FAM117A: variants seen among roughly 807,000 people sequenced by gnomAD.
The protein encoded by FAM117A is family with sequence similarity 117 member A.
In FAM117A, 21 loss-of-function variants were observed where a neutral mutation model predicts 44.1. The ratio of observed to expected loss-of-function variants is 0.48; its 90% CI spans 0.34 to 0.69. The LOEUF is 0.69. Among genes scored for constraint, FAM117A ranks in the 30% least tolerant of loss-of-function variants. The pLI is 0.01. For missense variants in FAM117A, 498 were observed against 589.9 expected, an observed-to-expected ratio of 0.84 and a Z score of 1.61; for synonymous variants, 220 against 238.3, an observed-to-expected ratio of 0.92 and a Z score of 0.71.
chr17:49,736,464 C>G (rs561970861), intron 1 of FAM117A, among the ~76,000 whole-genome samples: 1 of 151,952 alleles, frequency 6.6e-6, no homozygotes, highest in East Asian at 1.9e-4. Flanking sequence ...TCACCATGGT[C>G]TCGATCTCCT....
chr17:49,750,265 T>C lies in FAM117A; in HGVS notation c.196+13627A>G, dbSNP rs561225929. ...CCCACATGTCCACACGCAAGACAGATACTCACATGCAGACACACACACACA... is the reference window on the plus strand; with the variant it reads ...CCCACATGTCCACACGCAAGACAGACACTCACATGCAGACACACACACACA... On this transcript the variant is annotated intron_variant, in intron 1 of 7. Transcript: ENST00000240364. Among the ~76,000 whole-genome samples, 4 of 148,984 alleles carry C rather than the reference T, an allele frequency of 2.7e-5. No homozygotes were observed. The South Asian group carries it at 6.3e-4, about 24-fold the overall frequency.
chr17:49,735,549 C>T (rs957379906), intron 1 of FAM117A, among the ~76,000 whole-genome samples: 3 of 152,200 alleles, frequency 2.0e-5, no homozygotes, highest in Non-Finnish European at 4.4e-5. Context: ...TAACAATCTA[C>T]ATATTTGTTA....
intron 6 of FAM117A, 127 bp from the exon 7 acceptor site, chr17:49,716,442 T>G (rs1219040251): frequency 1.3e-6 from 1 of 762,764 alleles, no homozygotes; most frequent in African/African-American, 1.8e-5. Context: ...GCGGGTGTGC[T>G]TATCCAGTGT....
rs1396975903 is a variant in FAM117A, at chr17:49,711,082, G to C, written c.*173C>G. ...GAGAAGGCAGGTCCCATCACGTTCA[G>C]AGGGGCCGGTGCCCATCAAAAAGAG... On this transcript the variant is annotated 3_prime_UTR_variant, in exon 8 of 8. Coordinates refer to ENST00000240364, the MANE Select transcript of FAM117A (RefSeq NM_030802.4). The C allele has an allele frequency of 8.2e-6, 5 of 612,202 alleles. No individual in the cohort carries two copies. The highest frequency in any genetic ancestry group is 1.4e-5 in the Non-Finnish European group (5 of 365,042). The allele number at this position is 612,202 out of a possible 1,614,324, so 37.9% of individuals were successfully genotyped here.
intron 1 of FAM117A, among the ~76,000 whole-genome samples, chr17:49,740,096 G>A (rs1430754334): frequency 6.6e-6 from 1 of 152,222 alleles, no homozygotes; most frequent in East Asian, 1.9e-4. Flanking sequence ...TTAGAGAGAG[G>A]GAGCTATGAG....
At chr17:49,719,936 A>G (rs2073525669) in intron 4 of FAM117A, 42 bp from the exon 5 acceptor site, 2 of 1,572,286 alleles carry the variant, frequency 1.3e-6, no homozygotes, top group Admixed American at 3.9e-5. Context: ...CAGCCCCACC[A>G]GGCCTAGACA....
Position 49,764,030 on chromosome 17 carries a change from CTCCGCG to C in FAM117A, c.52_57del (p.Arg18_Gly19del). 1.7e-6 allele frequency: 2 copies of C among 1,201,726 alleles called. No homozygotes were observed. Among genetic ancestry groups the C allele is most frequent in the Non-Finnish European group, 2.1e-6 (2 of 964,016 alleles). 74.4% of individuals were successfully genotyped at this position (1,201,726 alleles called of 1,614,324 possible). On this transcript the variant is annotated inframe_deletion, in exon 1 of 8. Transcript: ENST00000240364. The stretch of plus-strand genomic sequence containing the variant: ...CAGCCCCGCCGGAGCCCCCCGGCCC[CTCCGCG>C]CCCCGGCCCCCAGGCACCTCCGCCT...
chr17:49,722,991 G>T (rs1443805799), intron 2 of FAM117A, among the ~76,000 whole-genome samples: 1 of 152,166 alleles, frequency 6.6e-6, no homozygotes, highest in Non-Finnish European at 1.5e-5. Context: ...CCCTCTACAT[G>T]TGTAGCACAG....
At chr17:49,765,857 G>T (rs2143791314), upstream of FAM117A, among the ~76,000 whole-genome samples, 1 of 152,242 alleles carries the variant, frequency 6.6e-6, no homozygotes, top group East Asian at 1.9e-4. Context: ...GTACTTTTAA[G>T]AAATCCTCAT....
intron 2 of FAM117A, among the ~76,000 whole-genome samples, chr17:49,726,916 C>A (rs1180452101): frequency 3.3e-5 from 5 of 151,028 alleles, no homozygotes; most frequent in Non-Finnish European, 5.9e-5. Flanking sequence ...GAGTTCGAGG[C>A]TGCAGTGAGT....
intron 7 of FAM117A, among the ~76,000 whole-genome samples, chr17:49,715,286 C>T (rs1175348578): frequency 2.6e-5 from 4 of 152,116 alleles, no homozygotes; most frequent in Non-Finnish European, 5.9e-5. Context: ...TATGTACCTT[C>T]GGCTGCCACC....
intron 1 of FAM117A, among the ~76,000 whole-genome samples, chr17:49,743,395 A>C (rs2073642192): frequency 6.6e-6 from 1 of 152,178 alleles, no homozygotes; most frequent in South Asian, 2.1e-4. Context: ...CAGGAGCTTG[A>C]GACCGACCTG....
chr17:49,763,845 C>T, intron 1 of FAM117A, 47 bp downstream of exon 1: 2 of 1,061,172 alleles, frequency 1.9e-6, no homozygotes, highest in South Asian at 9.5e-5. Flanking sequence ...CGCGCCCCCC[C>T]TCCCCCAATG....
chr17:49,740,375 G>A (rs558008903), intron 1 of FAM117A, among the ~76,000 whole-genome samples: 65 of 151,858 alleles, frequency 4.3e-4, no homozygotes, highest in Middle Eastern at 6.8e-3. Flanking sequence ...TCAGCCTCCC[G>A]AGTAGCTGGG....
intron 2 of FAM117A, among the ~76,000 whole-genome samples, chr17:49,724,829 AAAAAAAAAAAGAAAGAAAGAAAAAAG>A (rs1423627441): frequency 1.3e-5 from 2 of 151,420 alleles, no homozygotes; most frequent in Non-Finnish European, 2.9e-5. Context: ...CAAGAAAAAA[AAAAAAAAAAAGAAAGAAAGAAAAAAG>A]AAAAAAAAGA....
At chr17:49,761,572 C>T (rs2073722557) in intron 1 of FAM117A, among the ~76,000 whole-genome samples, 1 of 152,212 alleles carries the variant, frequency 6.6e-6, no homozygotes. Flanking sequence ...AGCCACACAA[C>T]TAGTAAATGG....
intron 2 of FAM117A, among the ~76,000 whole-genome samples, chr17:49,728,529 G>A (rs912679893): frequency 6.6e-6 from 1 of 152,076 alleles, no homozygotes; most frequent in Non-Finnish European, 1.5e-5. Flanking sequence ...GTAGAATGGG[G>A]GGCTGGGCTA....
At chr17:49,785,831 G>A (rs911235614) in intron 1 of FAM117A, among the ~76,000 whole-genome samples, 1 of 152,208 alleles carries the variant, frequency 6.6e-6, no homozygotes, top group Non-Finnish European at 1.5e-5. Context: ...TTGAGGGTTA[G>A]GAGATGCATC....
At chr17:49,722,413 G>T in intron 3 of FAM117A, 86 bp downstream of exon 3, 2 of 1,089,722 alleles carry the variant, frequency 1.8e-6, no homozygotes, top group Non-Finnish European at 1.4e-6. Flanking sequence ...GCAGTGTGAC[G>T]CCACCATGGA....
Sources: allele counts gnomAD v4.1 joint callset (sites outside exome capture counted in the v4.1 genomes callset), GRCh38; gene constraint gnomAD v4.1.1; transcripts MANE v1.5; gene names NCBI Gene and HGNC (gene_info 2026-07-23, HGNC 2026-07-21).